Variants in ZNF33A observed in about 807,000 individuals in gnomAD.
ZNF33A encodes brain my041 protein.
ZNF33A carries 9 observed loss-of-function variants against 15.9 expected under a neutral mutation model. The observed-to-expected ratio is 0.57, with a 90% CI of 0.34 to 0.99. ZNF33A has a LOEUF of 0.99. Among genes scored for constraint, ZNF33A ranks in the 50% least tolerant of loss-of-function variants. The pLI, the probability that ZNF33A is intolerant of heterozygous loss-of-function variation, is 0.02. For synonymous variants in ZNF33A, 294 were observed against 324.2 expected (o/e 0.91, Z 1.00); for missense variants, 843 against 941.6 (o/e 0.90, Z 1.37).
intron 2 of ZNF33A, 33 bp from the exon 3 acceptor site, chr10:38,016,838 T>A (rs535420706): frequency 1.2e-6 from 2 of 1,609,632 alleles, no homozygotes; most frequent in East Asian, 4.5e-5. Context: ...CCCATACTTC[T>A]TTTTTCATGC....
At chr10:38,049,473 G>T (rs1253423975) in intron 4 of ZNF33A, among the ~76,000 whole-genome samples, 1 of 151,934 alleles carries the variant, frequency 6.6e-6, no homozygotes, top group Non-Finnish European at 1.5e-5. Context: ...TATTATGTGC[G>T]TATATATCTA....
intron 4 of ZNF33A, among the ~76,000 whole-genome samples, chr10:38,053,009 A>G (rs1478501468): frequency 6.6e-6 from 1 of 151,922 alleles, no homozygotes; most frequent in East Asian, 1.9e-4. Context: ...ATTTAATTGT[A>G]GACCATCTTT....
At position 38,054,834 on chromosome 10, in the gene ZNF33A, A is replaced by G. The variant is rs2066384793; in HGVS notation, c.710A>G (p.Gln237Arg). ...TLLEKAVFNTQKRENAEENNC... is the reference protein window; with the variant it reads ...TLLEKAVFNTRKRENAEENNC... ...CTTGAAAAGGCAGTATTCAATACACAGAAGAGAGAGAACGCAGAAGAGAAT... is the reference window on the plus strand; with the variant it reads ...CTTGAAAAGGCAGTATTCAATACACGGAAGAGAGAGAACGCAGAAGAGAAT... The change falls in exon 5 of 5, where the codon CAG (glutamine) becomes CGG (arginine). Residue 237 changes from glutamine (Q) to arginine (R), a missense_variant. Gln to Arg is a conservative substitution (Grantham distance 43). Transcript: ENST00000432900. 1 of 1,613,246 alleles carries G rather than the reference A, an allele frequency of 6.2e-7. No individual in the cohort carries two copies. Among genetic ancestry groups the G allele is most frequent in the South Asian group, 1.1e-5 (1 of 91,036 alleles).
chr10:38,051,826 T>A (rs1168088533), intron 4 of ZNF33A, among the ~76,000 whole-genome samples: 1 of 152,092 alleles, frequency 6.6e-6, no homozygotes, highest in Non-Finnish European at 1.5e-5. Flanking sequence ...CCATCAATTA[T>A]GTAGTCATCT....
chr10:38,040,394 A>G (rs2065645447), intron 4 of ZNF33A, among the ~76,000 whole-genome samples: 1 of 152,136 alleles, frequency 6.6e-6, no homozygotes, highest in African/African-American at 2.4e-5. Context: ...AAAATGGGGT[A>G]TTACAGTTTG....
chr10:38,013,172 G>A (rs1280842857), intron 2 of ZNF33A, among the ~76,000 whole-genome samples: 7 of 151,966 alleles, frequency 4.6e-5, no homozygotes, highest in East Asian at 1.9e-4. Context: ...GTACAGTGGC[G>A]CGATCTTGGC....
intron 4 of ZNF33A, among the ~76,000 whole-genome samples, chr10:38,051,131 T>A (rs1358812970): frequency 6.6e-6 from 1 of 152,172 alleles, no homozygotes; most frequent in Admixed American, 6.5e-5. Context: ...CAGTTATATA[T>A]GCAAATCATG....
Position 38,054,718 on chromosome 10 carries a change from C to T in ZNF33A, c.594C>T (p.Asn198=). The part of the protein sequence containing the change: ...QEKNEVLKNR[N]TLSHHEETLQ... ...AAAATGAAGTTTTGAAAAATAGGAA[C>T]ACACTGAGTCATCATGAGGAGACTT... Residue 198 remains asparagine (N), a synonymous_variant, in exon 5 of 5, where the codon AAC becomes AAT. Transcript: ENST00000432900. 3 of 1,613,760 alleles carry T rather than the reference C, an allele frequency of 1.9e-6. No homozygotes were observed. The highest frequency in any genetic ancestry group is 1.7e-6 in the Non-Finnish European group (2 of 1,179,960).
At chr10:38,030,534 A>G (rs1473863994) in intron 4 of ZNF33A, among the ~76,000 whole-genome samples, 1 of 152,016 alleles carries the variant, frequency 6.6e-6, no homozygotes, top group Non-Finnish European at 1.5e-5. Flanking sequence ...GAACCCTCCT[A>G]CCCCCAATGT....
At chr10:38,012,151 C>G in intron 1 of ZNF33A, 147 bp from the exon 2 acceptor site, 1 of 638,040 alleles carries the variant, frequency 1.6e-6, no homozygotes, top group Non-Finnish European at 2.7e-6. Context: ...TTTCTACCCC[C>G]TATTCCAAAG....
At chr10:38,020,714 A>G (rs1287337381) in intron 4 of ZNF33A, among the ~76,000 whole-genome samples, 1 of 152,030 alleles carries the variant, frequency 6.6e-6, no homozygotes. Flanking sequence ...TATGTACCAC[A>G]TTTTCTTTAT....
Position 38,057,876 on chromosome 10 carries a change from A to C in ZNF33A, c.*1316A>C. ...CCCAGGGCTGTTGGACTGTCATTTCAAGGCTCATTGTCCCCAGACAGGGAT... is the reference window on the plus strand; with the variant it reads ...CCCAGGGCTGTTGGACTGTCATTTCCAGGCTCATTGTCCCCAGACAGGGAT... On this transcript the variant is annotated 3_prime_UTR_variant, in exon 5 of 5. Transcript: ENST00000432900. 1 of 985,396 alleles carries C rather than the reference A, an allele frequency of 1.0e-6. No individual in the cohort carries two copies. Among genetic ancestry groups the C allele is most frequent in the African/African-American group, 1.7e-5 (1 of 57,342 alleles). The allele number at this position is 985,396 out of a possible 1,614,324, so 61.0% of individuals were successfully genotyped here. A position where few individuals can be genotyped will look rare whatever the true frequency, so the allele number is the denominator to read the frequency against.
chr10:38,017,219 A>T, intron 3 of ZNF33A, 72 bp from the exon 4 acceptor site: 2 of 1,466,130 alleles, frequency 1.4e-6, no homozygotes, highest in Non-Finnish European at 1.9e-6. Context: ...CAGCCCCAGA[A>T]GCTTCTTCCT....
chr10:38,031,464 G>A (rs539789283), intron 4 of ZNF33A, among the ~76,000 whole-genome samples: 1 of 151,684 alleles, frequency 6.6e-6, no homozygotes, highest in Admixed American at 6.6e-5. Flanking sequence ...CAGCTACTTG[G>A]GAGGCTGAGG....
At chr10:38,064,387 G>T (rs895660191), downstream of ZNF33A, 6 of 414,772 alleles carry the variant, frequency 1.4e-5, no homozygotes, top group Non-Finnish European at 2.5e-5. Flanking sequence ...GAGGCTTCTC[G>T]TGTCCTTGGA....
chr10:38,063,820 C>T (rs1486312547), downstream of ZNF33A, among the ~76,000 whole-genome samples: 3 of 152,168 alleles, frequency 2.0e-5, no homozygotes, highest in African/African-American at 4.8e-5. Flanking sequence ...TCTCTTTTAC[C>T]TATTTTCACC....
At chr10:38,067,825 T>G (rs1398692567), downstream of ZNF33A, among the ~76,000 whole-genome samples, 1 of 152,154 alleles carries the variant, frequency 6.6e-6, no homozygotes, top group Non-Finnish European at 1.5e-5. Context: ...AAATCAAATT[T>G]GGACTTTCTG....
chr10:38,012,419 G>A (rs1308210476), intron 2 of ZNF33A, 69 bp downstream of exon 2: 5 of 1,026,176 alleles, frequency 4.9e-6, no homozygotes, highest in East Asian at 2.5e-5. Context: ...AGTCGATATG[G>A]TGTTTGTTTT....
Position 38,017,352 on chromosome 10 carries a change from A to G in ZNF33A, c.216A>G (p.Lys72=), listed in dbSNP as rs770786365. Reference sequence around the variant, plus strand: ...TGCAACAAGGAGAAGAGCCATGGAAACAGGAGGAAGAATTCCCAAGCCAAA... The same window carrying G: ...TGCAACAAGGAGAAGAGCCATGGAAGCAGGAGGAAGAATTCCCAAGCCAAA... The part of the protein sequence containing the change: ...FRLQQGEEPW[K]QEEEFPSQSF... The change falls in exon 4 of 5, where the codon AAA becomes AAG. Residue 72 remains lysine, a synonymous_variant. Coordinates refer to ENST00000432900, the MANE Select transcript of ZNF33A (RefSeq NM_006954.2). 5.6e-6 allele frequency: 9 copies of G among 1,614,002 alleles called. No homozygotes were observed. The African/African-American group carries it at 8.0e-5, about 14-fold the overall frequency.
Sources: gnomAD v4.1 joint callset for allele counts (sites outside exome capture counted in the v4.1 genomes callset) on GRCh38, gnomAD v4.1.1 for gene constraint, MANE v1.5 for transcripts, NCBI Gene and HGNC (gene_info 2026-07-23, HGNC 2026-07-21) for gene names.